Variants in PRMT8 observed in about 807,000 individuals in gnomAD.
The protein encoded by PRMT8 is protein arginine methyltransferase 8, also known as protein arginine N-methyltransferase 8.
A neutral mutation model predicts 47.1 loss-of-function variants in PRMT8; 7 were observed. That is an observed-to-expected ratio of 0.15 (90% CI 0.08 to 0.28). PRMT8 has a LOEUF of 0.28. Among genes scored for constraint, PRMT8 ranks in the 10% least tolerant of loss-of-function variants. The pLI is 1.00. For missense variants in PRMT8, 237 were observed against 505.4 expected (o/e 0.47, Z 5.09); for synonymous variants, 188 against 186.5 (o/e 1.01, Z -0.07).
At chr12:3,512,228 T>C (rs1007195991) in intron 1 of PRMT8, among the ~76,000 whole-genome samples, 2 of 152,192 alleles carry the variant, frequency 1.3e-5, no homozygotes, top group African/African-American at 4.8e-5. Flanking sequence ...TAAGCTCTGC[T>C]TTCTCCTGCG....
intron 1 of PRMT8, among the ~76,000 whole-genome samples, chr12:3,426,679 C>T (rs560049538): frequency 6.6e-6 from 1 of 152,242 alleles, no homozygotes; most frequent in African/African-American, 2.4e-5. Context: ...AGATGGTCAG[C>T]AATAGAGTGA....
upstream of PRMT8, among the ~76,000 whole-genome samples, chr12:3,490,674 A>AG (rs1491313734): frequency 3.8e-4 from 43 of 113,902 alleles, no homozygotes; most frequent in East Asian, 5.3e-4. Context: ...CTTTGGGTAC[A>AG]AAGAGAGAGA....
At chr12:3,478,963 GCTGTAAGCACCTGGGTAAGCTT>G (rs1158015471) in intron 1 of PRMT8, among the ~76,000 whole-genome samples, 1 of 152,222 alleles carries the variant, frequency 6.6e-6, no homozygotes, top group Non-Finnish European at 1.5e-5. Context: ...TGTACGTGCT[GCTGTAAGCACCTGGGTAAGCTT>G]CCTGGGTAGG....
At chr12:3,415,449 C>G (rs1864474320) in intron 1 of PRMT8, among the ~76,000 whole-genome samples, 2 of 152,182 alleles carry the variant, frequency 1.3e-5, no homozygotes, top group South Asian at 2.1e-4. Context: ...AGTCCGAACC[C>G]TCTAATCCTG....
intron 1 of PRMT8, among the ~76,000 whole-genome samples, chr12:3,521,497 C>G (rs964550812): frequency 5.9e-5 from 9 of 152,076 alleles, no homozygotes; most frequent in Non-Finnish European, 1.2e-4. Flanking sequence ...TCACTTGAAC[C>G]CGGAAGGTAG....
chr12:3,445,888 C>A (rs372170211), intron 1 of PRMT8, among the ~76,000 whole-genome samples: 22 of 152,176 alleles, frequency 1.4e-4, no homozygotes, highest in African/African-American at 5.1e-4. Flanking sequence ...GTGAGACCAT[C>A]AGACTACTTA....
At position 3,485,574 on chromosome 12, in the gene PRMT8, G is replaced by A. The variant is rs75466297; in HGVS notation, c.49-55032G>A. On this transcript the variant is annotated intron_variant, in intron 1 of 9. Coordinates refer to the PRMT8 transcript ENST00000452611. The stretch of plus-strand genomic sequence containing the variant: ...GTAGGTGAATTGTTTGGAAAGTATG[G>A]TTTATCCATACAGTGAGATGTTATA... 7.8e-3 allele frequency among the ~76,000 whole-genome samples: 1,184 copies of A among 152,266 alleles called. 14 individuals carry two copies. The highest frequency in any genetic ancestry group is 0.026 in the African/African-American group (1,095 of 41,544).
chr12:3,435,175 G>A (rs192962651), intron 1 of PRMT8, among the ~76,000 whole-genome samples: 52 of 151,970 alleles, frequency 3.4e-4, no homozygotes, highest in East Asian at 2.5e-3. Context: ...CACCATGTTG[G>A]CCAGGCTGGT....
chr12:3,461,256 C>T (rs574570757), intron 1 of PRMT8, among the ~76,000 whole-genome samples: 2 of 152,292 alleles, frequency 1.3e-5, no homozygotes, highest in South Asian at 2.1e-4. Flanking sequence ...GCTCTTACAA[C>T]CCTTGATCTT....
rs1445260834 is a variant in PRMT8, at chr12:3,493,908, G to A, written c.75+2208G>A. On this transcript the variant is annotated intron_variant, in intron 1 of 9. Transcript: ENST00000382622. The surrounding 1 kb of genome is among the most constrained non-coding windows in gnomAD (Gnocchi z 8.2). Reference sequence around the variant, plus strand: ...AGCCAGGTTGGCGGATCGGTTCTTAGCAACTTCCCTGGAGAAGGGGTAGAA... The same window carrying A: ...AGCCAGGTTGGCGGATCGGTTCTTAACAACTTCCCTGGAGAAGGGGTAGAA... Among the ~76,000 whole-genome samples, 1 of 152,236 alleles carries A rather than the reference G, an allele frequency of 6.6e-6. No individual in the cohort carries two copies.
intron 1 of PRMT8, among the ~76,000 whole-genome samples, chr12:3,479,790 G>T (rs80008668): frequency 0.01 from 1,543 of 152,220 alleles, 28 homozygotes; most frequent in African/African-American, 0.035. Flanking sequence ...AGGCCTCTTG[G>T]TTCTTGAACC....
chr12:3,455,434 A>C lies in PRMT8; in HGVS notation c.48+73992A>C, dbSNP rs188314484. Among the ~76,000 whole-genome samples, 98 of 152,226 alleles carry C rather than the reference A, an allele frequency of 6.4e-4. 1 individual carries two copies. The highest frequency in any genetic ancestry group is 2.1e-3 in the African/African-American group (88 of 41,526). On this transcript the variant is annotated intron_variant, in intron 1 of 9. Coordinates refer to the PRMT8 transcript ENST00000452611. ...GATGGAGGGAGGGGTGAGCTGCTTC[A>C]GGCGTCGATGCTGCCCTCACTTGTG... is the stretch of plus-strand genomic sequence containing the variant.
chr12:3,484,251 A>C (rs1265345876), intron 1 of PRMT8, among the ~76,000 whole-genome samples: 4 of 152,084 alleles, frequency 2.6e-5, no homozygotes, highest in Admixed American at 6.6e-5. Context: ...TGTCATTTGG[A>C]GGTGGTTAGC....
rs116444019 is a variant in PRMT8, at chr12:3,439,884, G to C, written c.48+58442G>C. On this transcript the variant is annotated intron_variant, in intron 1 of 9. Transcript: ENST00000452611. ...TTTATTGTTTTCAGTGAGAATTAGG[G>C]GTTTCAAACAGGGCCAGAAATGGAG... Among the ~76,000 whole-genome samples the C allele has an allele frequency of 4.9e-3, 744 of 152,260 alleles. 7 individuals carry two copies. The highest frequency in any genetic ancestry group is 0.017 in the African/African-American group (709 of 41,544).
At chr12:3,556,561 A>G (rs1866531325) in intron 4 of PRMT8, among the ~76,000 whole-genome samples, 1 of 152,128 alleles carries the variant, frequency 6.6e-6, no homozygotes, top group South Asian at 2.1e-4. Flanking sequence ...TGGGAGAGAA[A>G]TCCAGTTAGA....
At chr12:3,516,074 T>C (rs562948962) in intron 1 of PRMT8, among the ~76,000 whole-genome samples, 81 of 152,340 alleles carry the variant, frequency 5.3e-4, no homozygotes, top group Middle Eastern at 3.4e-3. Flanking sequence ...CCTTCTGAGA[T>C]AAAGCAAGGC....
intron 1 of PRMT8, among the ~76,000 whole-genome samples, chr12:3,422,537 G>C (rs538885859): frequency 6.6e-6 from 1 of 152,188 alleles, no homozygotes; most frequent in Non-Finnish European, 1.5e-5. Flanking sequence ...AAGGGGGTCC[G>C]CGTGAAAGGG....
At chr12:3,589,535 C>T (rs540374034) in intron 8 of PRMT8, among the ~76,000 whole-genome samples, 25 of 152,296 alleles carry the variant, frequency 1.6e-4, no homozygotes, top group African/African-American at 5.3e-4. Context: ...TGCCCCTCCA[C>T]GCCCCCCAGA....
intron 2 of PRMT8, among the ~76,000 whole-genome samples, chr12:3,547,358 T>C (rs1591596135): frequency 1.4e-5 from 2 of 145,992 alleles, no homozygotes; most frequent in African/African-American, 5.0e-5. Context: ...TAAAGAAATC[T>C]AAAAAAAAAA....
Sources: allele counts gnomAD v4.1 joint callset (sites outside exome capture counted in the v4.1 genomes callset), GRCh38; gene constraint gnomAD v4.1.1; non-coding constraint Gnocchi (gnomAD v3.1); transcripts MANE v1.5; gene names NCBI Gene and HGNC (gene_info 2026-07-23, HGNC 2026-07-21).